Variants in CLGN observed in about 807,000 individuals in gnomAD.
CLGN encodes the protein testis tissue sperm-binding protein Li 79P.
CLGN carries 62 observed loss-of-function variants against 79.1 expected under a neutral mutation model. The observed-to-expected ratio is 0.78, with a 90% CI of 0.64 to 0.97. The LOEUF (loss-of-function observed/expected upper bound fraction) is 0.97. CLGN is among the 50% of genes least tolerant of loss of function. The pLI is 0.00. For synonymous variants in CLGN, 225 were observed against 224.7 expected, an observed-to-expected ratio of 1.00 and a Z score of -0.01; for missense variants, 647 against 715.5, an observed-to-expected ratio of 0.90 and a Z score of 1.09.
intron 8 of CLGN, among the ~76,000 whole-genome samples, chr4:140,398,435 A>T (rs1341903459): frequency 6.6e-6 from 1 of 151,858 alleles, no homozygotes; most frequent in Non-Finnish European, 1.5e-5. Context: ...ATGCCCGCTA[A>T]TTTTTGTGTT....
At chr4:140,394,966 T>C (rs535111521) in intron 10 of CLGN, among the ~76,000 whole-genome samples, 2 of 151,918 alleles carry the variant, frequency 1.3e-5, no homozygotes, top group East Asian at 1.9e-4. Flanking sequence ...CGGATCACGG[T>C]CAGGAGTTCG....
At chr4:140,395,714 T>C in intron 10 of CLGN, 105 bp downstream of exon 10, 1 of 969,038 alleles carries the variant, frequency 1.0e-6, no homozygotes, top group Non-Finnish European at 1.4e-6. Flanking sequence ...CATCTTAAAA[T>C]TAAAAATGAA....
At position 140,400,452 on chromosome 4, in the gene CLGN, G is replaced by C; in HGVS notation, c.599C>G (p.Pro200Arg). 1 of 1,610,362 alleles carries C rather than the reference G, an allele frequency of 6.2e-7. No homozygotes were observed. Among genetic ancestry groups the C allele is most frequent in the Non-Finnish European group, 8.5e-7 (1 of 1,176,888 alleles). ...TTTCTCTTCGAAAACTCCAGTTTTGGGATGTTTATGTCTGAAGATAAAATG... is the reference window on the plus strand; with the variant it reads ...TTTCTCTTCGAAAACTCCAGTTTTGCGATGTTTATGTCTGAAGATAAAATG... The part of the protein sequence containing the change: ...KLHFIFRHKH[P>R]KTGVFEEKHA... The change falls in exon 7 of 15, where the codon CCC becomes CGC. Residue 200 changes from proline to arginine, a missense_variant. Coordinates refer to ENST00000325617, the MANE Select transcript of CLGN (RefSeq NM_004362.3).
Position 140,392,228 on chromosome 4 carries a change from G to A in CLGN, c.1642C>T (p.Leu548Phe). 6.2e-7 allele frequency: 1 copy of A among 1,611,758 alleles called. No homozygotes were observed. The highest frequency in any genetic ancestry group is 8.5e-7 in the Non-Finnish European group (1 of 1,179,100). The change falls in exon 13 of 15, where the codon CTT (leucine) becomes TTT (phenylalanine). Residue 548 changes from leucine (L) to phenylalanine (F), a missense_variant. Coordinates refer to ENST00000325617, the MANE Select transcript of CLGN (RefSeq NM_004362.3). Reference sequence around the variant, plus strand: ...ACTCTCATCATCTTACCTTTTTCAAGCATTTCACCATCATTTTGCTTTTTT... The same window carrying A: ...ACTCTCATCATCTTACCTTTTTCAAACATTTCACCATCATTTTGCTTTTTT... ...EEKKQNDGEMLEKEEESEPEE... is the reference protein window; with the variant it reads ...EEKKQNDGEMFEKEEESEPEE...
At chr4:140,407,950 T>C (rs12643190) in intron 4 of CLGN, among the ~76,000 whole-genome samples, 5 of 151,590 alleles carry the variant, frequency 3.3e-5, no homozygotes, top group Non-Finnish European at 5.9e-5. Context: ...GGCCATACTA[T>C]CAAAACAGCA....
At chr4:140,392,135 A>G (rs2126613429) in intron 13 of CLGN, 84 bp downstream of exon 13, 3 of 1,405,376 alleles carry the variant, frequency 2.1e-6, no homozygotes, top group South Asian at 1.3e-5. Flanking sequence ...ATAAACAAGT[A>G]TAATAACTAG....
At chr4:140,408,167 C>T (rs1470298317) in intron 4 of CLGN, among the ~76,000 whole-genome samples, 2 of 152,028 alleles carry the variant, frequency 1.3e-5, no homozygotes, top group Non-Finnish European at 2.9e-5. Flanking sequence ...TCACCTTATA[C>T]AAAAATCAAC....
At chr4:140,402,897 A>G (rs766908604) in intron 5 of CLGN, among the ~76,000 whole-genome samples, 1 of 152,218 alleles carries the variant, frequency 6.6e-6, no homozygotes, top group Non-Finnish European at 1.5e-5. Context: ...TAAATCAAAA[A>G]GACATGAAAA....
intron 4 of CLGN, among the ~76,000 whole-genome samples, chr4:140,408,961 A>C (rs1452317849): frequency 2.6e-5 from 4 of 151,362 alleles, no homozygotes; most frequent in Non-Finnish European, 5.9e-5. Flanking sequence ...ATATGTGTAT[A>C]TATATACACA....
At chr4:140,417,871 C>T (rs1323154661) in intron 1 of CLGN, among the ~76,000 whole-genome samples, 1 of 151,070 alleles carries the variant, frequency 6.6e-6, no homozygotes, top group African/African-American at 2.4e-5. Context: ...CATATGGAAC[C>T]AAAAAAGAGC....
In CLGN at chr4:140,389,269, A is replaced by G; in HGVS notation, c.1788T>C (p.Asp596=). The G allele has an allele frequency of 3.7e-6, 6 of 1,612,526 alleles. No homozygotes were observed. The highest frequency in any genetic ancestry group is 2.2e-5 in the East Asian group (1 of 44,824). The change falls in exon 15 of 15, where the codon GAT becomes GAC. Residue 596 remains aspartate (D), a synonymous_variant. Coordinates refer to ENST00000325617, the MANE Select transcript of CLGN (RefSeq NM_004362.3). The part of the protein sequence containing the change: ...KEADESTGSG[D]GPIKSVRKRR... Reference sequence around the variant, plus strand: ...TTTTGCGTACTGACTTTATCGGCCCATCTCCAGATCCTGTGCTCTCATCTG... The same window carrying G: ...TTTTGCGTACTGACTTTATCGGCCCGTCTCCAGATCCTGTGCTCTCATCTG...
intron 7 of CLGN, among the ~76,000 whole-genome samples, chr4:140,399,579 G>A (rs976194144): frequency 6.6e-6 from 1 of 152,166 alleles, no homozygotes; most frequent in Non-Finnish European, 1.5e-5. Flanking sequence ...CAAAATGAAT[G>A]TTTCTACCAC....
At chr4:140,395,613 A>G (rs1728857962) in intron 10 of CLGN, among the ~76,000 whole-genome samples, 1 of 152,220 alleles carries the variant, frequency 6.6e-6, no homozygotes, top group South Asian at 2.1e-4. Flanking sequence ...TTAGGGAAGA[A>G]TATAGTATGA....
chr4:140,421,081 T>C (rs916142096), intron 1 of CLGN, among the ~76,000 whole-genome samples: 2 of 152,154 alleles, frequency 1.3e-5, no homozygotes, highest in African/African-American at 4.8e-5. Context: ...TGGCTTATTT[T>C]ACTTAGCATA....
chr4:140,405,997 T>C lies in CLGN; in HGVS notation c.364A>G (p.Ile122Val), dbSNP rs367659984. ...VLKSRAKHHA[I>V]SAVLAKPFIF... ...AATGGTTTTGCTAATACAGCAGATA[T>C]TGCATGATGCTTTGCTCTAGATTTT... The change falls in exon 5 of 15, where the codon ATA becomes GTA. Residue 122 changes from isoleucine (I) to valine (V), a missense_variant. Transcript: ENST00000325617. The C allele has an allele frequency of 3.1e-6, 5 of 1,613,456 alleles. No individual in the cohort carries two copies. Among genetic ancestry groups the C allele is most frequent in the Admixed American group, 3.3e-5 (2 of 59,948 alleles).
chr4:140,409,961 G>A lies in CLGN; in HGVS notation c.219-66C>T. The A allele has an allele frequency of 7.7e-6, 8 of 1,036,348 alleles. No individual in the cohort carries two copies. In the South Asian group the frequency reaches 1.2e-4, roughly 15 times the overall value. 64.2% of individuals were successfully genotyped at this position (1,036,348 alleles called of 1,614,324 possible). On this transcript the variant is annotated intron_variant, in intron 3 of 14. Coordinates refer to ENST00000325617, the MANE Select transcript of CLGN (RefSeq NM_004362.3). ...AAAAGCAGCAATTTATAGATATAAG[G>A]CATACAGAAACACAATAAAAGATCA...
At chr4:140,394,403 T>G (rs1194703456) in intron 10 of CLGN, among the ~76,000 whole-genome samples, 1 of 152,202 alleles carries the variant, frequency 6.6e-6, no homozygotes, top group Non-Finnish European at 1.5e-5. Flanking sequence ...GATCATTGTA[T>G]AGCAAAAATG....
At chr4:140,395,706 T>C in intron 10 of CLGN, 113 bp downstream of exon 10, 1 of 844,466 alleles carries the variant, frequency 1.2e-6, no homozygotes, top group Non-Finnish European at 1.7e-6. Context: ...TTCTTTGACA[T>C]CTTAAAATTA....
At chr4:140,422,010 T>TTCCC (rs1317801001) in intron 1 of CLGN, among the ~76,000 whole-genome samples, 4 of 152,192 alleles carry the variant, frequency 2.6e-5, no homozygotes, top group Non-Finnish European at 5.9e-5. Context: ...GATAGCCAGT[T>TTCCC]TCCCCAATAT....
Sources: allele counts gnomAD v4.1 joint callset (sites outside exome capture counted in the v4.1 genomes callset), GRCh38; gene constraint gnomAD v4.1.1; transcripts MANE v1.5; gene names NCBI Gene and HGNC (gene_info 2026-07-23, HGNC 2026-07-21).